The following HMGXB3 variants were observed in gnomAD, a reference collection of about 807,000 sequenced individuals.
HMGXB3 encodes the protein HMG-box containing 3, also known as HMG domain-containing protein 3.
Under a neutral mutation model 121.5 loss-of-function variants are expected in HMGXB3, and 45 were observed. That is an observed-to-expected ratio of 0.37 (90% CI 0.29 to 0.47). The LOEUF (loss-of-function observed/expected upper bound fraction) is 0.47. HMGXB3 is among the 20% of genes least tolerant of loss of function. The pLI is 0.99. For missense variants in HMGXB3, 1,376 were observed against 1,602.2 expected, an observed-to-expected ratio of 0.86 and a Z score of 2.41; for synonymous variants, 590 against 624.1, an observed-to-expected ratio of 0.95 and a Z score of 0.81.
intron 13 of HMGXB3, among the ~76,000 whole-genome samples, chr5:150,039,465 G>T (rs950455391): frequency 1.3e-5 from 2 of 151,486 alleles, no homozygotes; most frequent in East Asian, 1.9e-4. Flanking sequence ...CTTTGTTTTT[G>T]TAAATATTAT....
chr5:150,013,919 T>G (rs1390215222), intron 5 of HMGXB3, among the ~76,000 whole-genome samples: 1 of 152,258 alleles, frequency 6.6e-6, no homozygotes. Context: ...ACCTGATTGT[T>G]GGCCACTTCT....
Position 150,045,701 on chromosome 5 carries a change from G to A in HMGXB3, c.2950+16G>A. On this transcript the variant is annotated intron_variant, in intron 16 of 19. Transcript: ENST00000502717. ...CCAGTACCTGGTAAGGCCACCTGGT[G>A]GCTGACTGGGGTCAAAAAAGGGCTC... The A allele has an allele frequency of 6.5e-7, 1 of 1,542,620 alleles. No individual in the cohort carries two copies. The highest frequency in any genetic ancestry group is 8.8e-7 in the Non-Finnish European group (1 of 1,138,782).
At position 150,048,619 on chromosome 5, in the gene HMGXB3, A is replaced by C; in HGVS notation, c.3135A>C (p.Gly1045=). ...LLALYESVQN[G]ARAIRPPRHF... is the part of the protein sequence containing the mutation. ...CCCTCTACGAATCTGTACAGAATGG[A>C]GCTAGAGCTATACGGCCCCCACGTC... Residue 1045 remains glycine, a synonymous_variant, in exon 18 of 20, where the codon GGA becomes GGC. Transcript: ENST00000502717. 6.4e-7 allele frequency: 1 copy of C among 1,552,010 alleles called. No individual in the cohort carries two copies. Among genetic ancestry groups the C allele is most frequent in the Non-Finnish European group, 8.7e-7 (1 of 1,147,050 alleles).
rs1186632927 is a variant in HMGXB3, at chr5:150,036,974, C to T, written c.2285+37C>T. The T allele has an allele frequency of 4.7e-6, 7 of 1,503,560 alleles. No homozygotes were observed. The African/African-American group carries it at 9.7e-5, about 21-fold the overall frequency. 93.1% of individuals were successfully genotyped at this position (1,503,560 alleles called of 1,614,324 possible). ...TTAACTCTGCCCCTAGCTACCCCATCCCATTTGGCTCATACTGCTCTTTTC... is the reference window on the plus strand; with the variant it reads ...TTAACTCTGCCCCTAGCTACCCCATTCCATTTGGCTCATACTGCTCTTTTC... On this transcript the variant is annotated intron_variant, in intron 12 of 19. Coordinates refer to ENST00000502717, the MANE Select transcript of HMGXB3 (RefSeq NM_014983.3).
Position 150,018,631 on chromosome 5 carries a change from C to G in HMGXB3, c.975C>G (p.Val325=). 1 of 1,551,268 alleles carries G rather than the reference C, an allele frequency of 6.4e-7. No individual in the cohort carries two copies. Among genetic ancestry groups the G allele is most frequent in the Non-Finnish European group, 8.7e-7 (1 of 1,146,754 alleles). Residue 325 remains valine, a synonymous_variant, in exon 6 of 20, where the codon GTC becomes GTG. Transcript: ENST00000502717. ...GCCCAGGGTGCTCCTTTACATATGT[C>G]ACCAGGCACAAGCCACCTAAGTGCC... The part of the protein sequence containing the change: ...CTSPGCSFTY[V]TRHKPPKCPT...
intron 7 of HMGXB3, 95 bp from the exon 8 acceptor site, chr5:150,026,611 A>G: frequency 1.8e-6 from 2 of 1,096,418 alleles, no homozygotes; most frequent in Non-Finnish European, 2.6e-6. Flanking sequence ...TTTAACCCCA[A>G]TACTATCCTC....
chr5:150,040,690 A>G (rs1175500689), intron 13 of HMGXB3, 58 bp from the exon 14 acceptor site: 3 of 1,513,926 alleles, frequency 2.0e-6, no homozygotes, highest in Admixed American at 4.3e-5. Flanking sequence ...TGTGTATTCT[A>G]TTTTTTGCCA....
Position 150,010,371 on chromosome 5 carries a change from G to A in HMGXB3, c.573G>A (p.Glu191=). ...TGGCTGTGGAGGCCCTGGCTGAGGA[G>A]GTGGGAGCCCTTACCCAGTCAGGTG... ...QCLAVEALAE[E]VGALTQSGAV... Residue 191 remains glutamate (E), a synonymous_variant, in exon 4 of 20, where the codon GAG becomes GAA. Coordinates refer to ENST00000502717, the MANE Select transcript of HMGXB3 (RefSeq NM_014983.3). 1 of 1,551,702 alleles carries A rather than the reference G, an allele frequency of 6.4e-7. No homozygotes were observed. Among genetic ancestry groups the A allele is most frequent in the Non-Finnish European group, 8.7e-7 (1 of 1,147,010 alleles).
At chr5:150,048,212 C>T (rs1027696989) in intron 17 of HMGXB3, among the ~76,000 whole-genome samples, 2 of 152,192 alleles carry the variant, frequency 1.3e-5, no homozygotes, top group African/African-American at 2.4e-5. Flanking sequence ...ACATTATTTA[C>T]TTTCCCTTTC....
chr5:150,002,625 G>A (rs770413938), intron 1 of HMGXB3, among the ~76,000 whole-genome samples: 2 of 152,186 alleles, frequency 1.3e-5, no homozygotes, highest in Non-Finnish European at 2.9e-5. Context: ...TCCCTCCAAG[G>A]ATTGAGACTT....
chr5:150,049,789 C>T (rs1398079653), intron 18 of HMGXB3, among the ~76,000 whole-genome samples: 1 of 152,150 alleles, frequency 6.6e-6, no homozygotes, highest in Non-Finnish European at 1.5e-5. Flanking sequence ...TGTGGATTCC[C>T]ATCTGGGCAA....
chr5:150,050,951 C>T (rs1048381910), intron 19 of HMGXB3, among the ~76,000 whole-genome samples: 1 of 152,220 alleles, frequency 6.6e-6, no homozygotes, highest in Non-Finnish European at 1.5e-5. Context: ...AGGCCCCAGC[C>T]AGCCCTGGAT....
At chr5:150,022,028 A>G (rs1299196401) in intron 6 of HMGXB3, 2 of 332,362 alleles carry the variant, frequency 6.0e-6, no homozygotes. Flanking sequence ...CGCACCACCT[A>G]TGACTGTGTC....
At chr5:150,006,799 T>C (rs922141192) in intron 3 of HMGXB3, among the ~76,000 whole-genome samples, 152 bp downstream of exon 3, 1 of 152,220 alleles carries the variant, frequency 6.6e-6, no homozygotes, top group African/African-American at 2.4e-5. Flanking sequence ...GTTTCCATTT[T>C]GATAATGCCC....
intron 10 of HMGXB3, among the ~76,000 whole-genome samples, 184 bp downstream of exon 10, chr5:150,031,023 G>A (rs1320572972): frequency 6.6e-6 from 1 of 152,144 alleles, no homozygotes; most frequent in African/African-American, 2.4e-5. Context: ...TGAATCTGCT[G>A]GGTTGTTTTG....
chr5:150,012,987 CTT>C (rs1561854582), intron 5 of HMGXB3, among the ~76,000 whole-genome samples: 3 of 152,202 alleles, frequency 2.0e-5, no homozygotes, highest in African/African-American at 7.2e-5. Context: ...GTTCTGGTAA[CTT>C]TTGTAGATGC....
chr5:150,029,018 A>G (rs55862167), intron 9 of HMGXB3, among the ~76,000 whole-genome samples: 72,064 of 152,082 alleles, frequency 0.47, 20,454 homozygotes, highest in Non-Finnish European at 0.63. Context: ...CCTTTTAAAA[A>G]TGAATGCATG....
chr5:150,026,561 A>C, intron 7 of HMGXB3, 145 bp from the exon 8 acceptor site: 1 of 656,268 alleles, frequency 1.5e-6, no homozygotes, highest in Non-Finnish European at 2.6e-6. Context: ...ACAGCTATTT[A>C]GTGGTTGAAT....
chr5:150,047,821 A>C, intron 17 of HMGXB3, 64 bp downstream of exon 17: 3 of 1,532,300 alleles, frequency 2.0e-6, no homozygotes, highest in Non-Finnish European at 2.7e-6. Context: ...TCCACTTTTT[A>C]GGTCAGGGAT....
Sources: allele counts gnomAD v4.1 joint callset (sites outside exome capture counted in the v4.1 genomes callset), GRCh38; gene constraint gnomAD v4.1.1; transcripts MANE v1.5; gene names NCBI Gene and HGNC (gene_info 2026-07-23, HGNC 2026-07-21).